Variants in MYH16 observed in about 807,000 individuals in gnomAD.
MYH16 encodes putative uncharacterized protein MYH16.
At chr7:99,259,906 G>T (rs898106046) in intron 11 of MYH16, among the ~76,000 whole-genome samples, 2 of 150,944 alleles carry the variant, frequency 1.3e-5, no homozygotes, top group Non-Finnish European at 2.9e-5. Context: ...TGGTTGCCTG[G>T]ACTTTGGGTC....
At chr7:99,249,557 GA>G (rs1474204143) in intron 4 of MYH16, among the ~76,000 whole-genome samples, 2 of 127,896 alleles carry the variant, frequency 1.6e-5, no homozygotes, top group Non-Finnish European at 3.3e-5. Flanking sequence ...AAAAAAAAAA[GA>G]AAAGAAAAGT....
rs114258714 is a variant in MYH16, at chr7:99,250,786, G to C, written n.637-308G>C. Among the ~76,000 whole-genome samples, 476 of 152,250 alleles carry C rather than the reference G, an allele frequency of 3.1e-3. 4 individuals are homozygous for C. Among genetic ancestry groups the C allele is most frequent in the African/African-American group, 0.011 (454 of 41,568 alleles). On this transcript the variant is annotated intron_variant and non_coding_transcript_variant, in intron 5 of 41. Coordinates refer to ENST00000439784, the Ensembl canonical transcript of MYH16. ...GTAGGGAGGGGTTTCAGACTGCTCA[G>C]GGGGCTCTCTGCCAACAGCAAAGTG...
chr7:99,279,540 C>T (rs747484331), exon 22 of MYH16: 16 of 456,376 alleles, frequency 3.5e-5, no homozygotes, highest in African/African-American at 1.6e-4. Flanking sequence ...TGCAGAGGAG[C>T]GCCTGACATG....
intron 20 of MYH16, among the ~76,000 whole-genome samples, chr7:99,273,877 G>C (rs963836148): frequency 6.6e-6 from 1 of 151,694 alleles, no homozygotes; most frequent in African/African-American, 2.4e-5. Context: ...AGAGAGGAAA[G>C]GAAGGGAGAG....
Position 99,273,452 on chromosome 7 carries a change from G to C in MYH16, n.2485+29G>C, listed in dbSNP as rs191470737. 441 of 456,534 alleles carry C rather than the reference G, an allele frequency of 9.7e-4. 1 individual carries two copies. The highest frequency in any genetic ancestry group is 7.3e-3 in the African/African-American group (367 of 50,200). The allele number at this position is 456,534 out of a possible 1,614,324, so 28.3% of individuals were successfully genotyped here. On this transcript the variant is annotated intron_variant and non_coding_transcript_variant, in intron 20 of 41. Coordinates refer to ENST00000439784, the Ensembl canonical transcript of MYH16. The stretch of plus-strand genomic sequence containing the variant: ...AGGGCCGAGGGGCCAGGCCAGGGGG[G>C]ACTGCTGCTGCCTATGGGCTGGGGG...
chr7:99,291,069 A>C lies in MYH16; in HGVS notation n.3825-254A>C, dbSNP rs1310381266. On this transcript the variant is annotated intron_variant and non_coding_transcript_variant, in intron 30 of 41. Transcript: ENST00000439784. ...CTGCATCTCCTGACATGTAGGAGAT[A>C]GGGGTTTCATTATGTGAGGCCCCTA... 3 of 211,640 alleles carry C rather than the reference A, an allele frequency of 1.4e-5. No individual in the cohort carries two copies. In the East Asian group the frequency reaches 4.4e-4, roughly 31 times the overall value. 13.1% of individuals were successfully genotyped at this position (211,640 alleles called of 1,614,324 possible). A position where few individuals can be genotyped will look rare whatever the true frequency, so the allele number is the denominator to read the frequency against.
exon 33 of MYH16, chr7:99,294,134 C>A (rs1357953992): frequency 8.8e-6 from 4 of 456,056 alleles, no homozygotes; most frequent in African/African-American, 2.0e-5. Context: ...GAGGACCTCA[C>A]CATCGACTTG....
At chr7:99,277,043 G>C (rs1324341243) in intron 20 of MYH16, among the ~76,000 whole-genome samples, 2 of 130,986 alleles carry the variant, frequency 1.5e-5, no homozygotes, top group East Asian at 2.0e-4. Flanking sequence ...GAGAGACACA[G>C]AGAGAGAGAG....
At chr7:99,243,869 CCAAA>C (rs1206622135) in intron 2 of MYH16, among the ~76,000 whole-genome samples, 1 of 151,748 alleles carries the variant, frequency 6.6e-6, no homozygotes, top group East Asian at 1.9e-4. Context: ...ATCCATCCAT[CCAAA>C]CATTCATCCA....
At chr7:99,296,969 CAG>C (rs1177529316) in intron 34 of MYH16, 52 bp downstream of exon 15, 3 of 447,316 alleles carry the variant, frequency 6.7e-6, no homozygotes, top group African/African-American at 6.0e-5. Context: ...GGGACACAGC[CAG>C]AGTCCCCTTC....
At chr7:99,251,418 A>G (rs1791807546) in intron 6 of MYH16, among the ~76,000 whole-genome samples, 1 of 152,226 alleles carries the variant, frequency 6.6e-6, no homozygotes, top group Non-Finnish European at 1.5e-5. Flanking sequence ...CAAGGTTTGA[A>G]GACTCTTCCT....
At chr7:99,256,093 T>C (rs1194495159) in intron 9 of MYH16, among the ~76,000 whole-genome samples, 1 of 151,986 alleles carries the variant, frequency 6.6e-6, no homozygotes. Context: ...CAGAATCGAT[T>C]CCTGATTTAT....
chr7:99,253,940 G>A (rs929073993), intron 8 of MYH16: 1 of 152,356 alleles, frequency 6.6e-6, no homozygotes, highest in African/African-American at 2.4e-5. Context: ...CTGTGATAAT[G>A]TCTTCAGTTT....
exon 20 of MYH16, chr7:99,273,372 G>T (rs933852912): frequency 2.2e-6 from 1 of 456,742 alleles, no homozygotes; most frequent in African/African-American, 2.0e-5. Flanking sequence ...AGCAGAACGT[G>T]CACAAGTTCC....
At chr7:99,286,950 G>A (rs1448499487) in intron 28 of MYH16, among the ~76,000 whole-genome samples, 1 of 152,190 alleles carries the variant, frequency 6.6e-6, no homozygotes, top group African/African-American at 2.4e-5. Context: ...GCAAGACCCT[G>A]TCTCTCAAAG....
chr7:99,287,829 G>A (rs188815610), intron 28 of MYH16, 63 bp from the exon 10 acceptor site: 167 of 428,766 alleles, frequency 3.9e-4, no homozygotes, highest in South Asian at 1.1e-3. Flanking sequence ...GCAGCTGGGC[G>A]GTGTCCACCC....
intron 38 of MYH16, among the ~76,000 whole-genome samples, chr7:99,302,596 C>A (rs1412599156): frequency 6.6e-6 from 1 of 151,878 alleles, no homozygotes. Flanking sequence ...AATATATAAT[C>A]CTGGCCAGGC....
At chr7:99,251,946 C>T (rs1791812548) in intron 6 of MYH16, among the ~76,000 whole-genome samples, 1 of 152,164 alleles carries the variant, frequency 6.6e-6, no homozygotes. Flanking sequence ...GCACTCCAGC[C>T]TGGGCAACAG....
chr7:99,264,476 G>A (rs570716925), intron 15 of MYH16, among the ~76,000 whole-genome samples: 1 of 152,314 alleles, frequency 6.6e-6, no homozygotes, highest in Admixed American at 6.5e-5. Flanking sequence ...TTGGGCAGAA[G>A]AGACCCATTT....
Sources: allele counts gnomAD v4.1 joint callset (sites outside exome capture counted in the v4.1 genomes callset), GRCh38; gene constraint gnomAD v4.1.1; transcripts MANE v1.5; gene names NCBI Gene and HGNC (gene_info 2026-07-23, HGNC 2026-07-21).